The following PALM2AKAP2 variants were observed in gnomAD, a reference collection of about 807,000 sequenced individuals.
PALM2AKAP2 encodes PALM2 and AKAP2 fusion.
PALM2AKAP2 carries 37 observed loss-of-function variants against 71.5 expected under a neutral mutation model. That is an observed-to-expected ratio of 0.52 (90% confidence interval 0.40 to 0.68). The LOEUF (loss-of-function observed/expected upper bound fraction) is 0.68. PALM2AKAP2 is among the 30% of genes least tolerant of loss of function. The pLI, the probability that PALM2AKAP2 is intolerant of heterozygous loss-of-function variation, is 0.00. For synonymous variants in PALM2AKAP2, 468 were observed against 478.8 expected, an observed-to-expected ratio of 0.98 and a Z score of 0.29; for missense variants, 1,224 against 1,191.8, an observed-to-expected ratio of 1.03 and a Z score of -0.40.
intron 2 of PALM2AKAP2, among the ~76,000 whole-genome samples, chr9:110,142,977 T>C (rs558722790): frequency 3.7e-4 from 57 of 152,262 alleles, no homozygotes; most frequent in Admixed American, 9.8e-4. Flanking sequence ...AATGCATCCA[T>C]TTCATAGGCT....
intron 1 of PALM2AKAP2, among the ~76,000 whole-genome samples, chr9:109,856,234 A>C (rs55856733): frequency 0.043 from 6,607 of 152,332 alleles, 473 homozygotes; most frequent in African/African-American, 0.15. Flanking sequence ...TAAGATGAAC[A>C]TAGAGGAAGA....
At chr9:109,892,097 T>C (rs1830103427) in intron 3 of PALM2AKAP2, among the ~76,000 whole-genome samples, 1 of 152,220 alleles carries the variant, frequency 6.6e-6, no homozygotes, top group Non-Finnish European at 1.5e-5. Flanking sequence ...GAGACTGATG[T>C]AACAAATTTC....
At chr9:110,029,861 G>T (rs1411342993) in intron 7 of PALM2AKAP2, among the ~76,000 whole-genome samples, 1 of 152,150 alleles carries the variant, frequency 6.6e-6, no homozygotes, top group Non-Finnish European at 1.5e-5. Flanking sequence ...TGAGGGTTTG[G>T]AATGATTGCA....
chr9:109,745,895 C>T (rs16914475), intron 1 of PALM2AKAP2, among the ~76,000 whole-genome samples: 111 of 152,284 alleles, frequency 7.3e-4, no homozygotes, highest in African/African-American at 2.4e-3. Context: ...CCATCCAAAA[C>T]GTTGCAAAGA....
chr9:109,746,738 A>G (rs1291862783), intron 1 of PALM2AKAP2, among the ~76,000 whole-genome samples: 1 of 152,088 alleles, frequency 6.6e-6, no homozygotes, highest in Admixed American at 6.5e-5. Context: ...CCACAACCCT[A>G]TGAGATAGTC....
intron 3 of PALM2AKAP2, among the ~76,000 whole-genome samples, chr9:109,890,437 A>G (rs1043482053): frequency 1.3e-5 from 2 of 152,202 alleles, no homozygotes; most frequent in Admixed American, 6.5e-5. Flanking sequence ...AACGGGTGAT[A>G]AAATATACAA....
intron 1 of PALM2AKAP2, among the ~76,000 whole-genome samples, chr9:110,064,489 C>A (rs1834031061): frequency 6.6e-6 from 1 of 152,174 alleles, no homozygotes; most frequent in African/African-American, 2.4e-5. Flanking sequence ...CGCCTGTAAT[C>A]CCAGAACATT....
At chr9:109,878,779 G>A (rs531243468) in intron 2 of PALM2AKAP2, among the ~76,000 whole-genome samples, 27 of 152,104 alleles carry the variant, frequency 1.8e-4, no homozygotes, top group African/African-American at 2.9e-4. Context: ...CTCTTGTTGC[G>A]CAGGCTGGAG....
intron 1 of PALM2AKAP2, among the ~76,000 whole-genome samples, chr9:109,822,382 C>G (rs1828034216): frequency 6.6e-6 from 1 of 151,942 alleles, no homozygotes; most frequent in Non-Finnish European, 1.5e-5. Context: ...TTTCTTCCAA[C>G]TTTCATTTCA....
chr9:110,018,544 T>C (rs1399290048), intron 7 of PALM2AKAP2, among the ~76,000 whole-genome samples: 1 of 151,976 alleles, frequency 6.6e-6, no homozygotes, highest in Non-Finnish European at 1.5e-5. Flanking sequence ...TTGGCCAGTC[T>C]GGTCTGAAAC....
chr9:110,018,083 C>T (rs1206493791), intron 7 of PALM2AKAP2, among the ~76,000 whole-genome samples: 1 of 152,098 alleles, frequency 6.6e-6, no homozygotes, highest in Non-Finnish European at 1.5e-5. Flanking sequence ...GATAAGATTG[C>T]TACTTAACCA....
chr9:110,101,151 A>G (rs571300520), intron 1 of PALM2AKAP2, among the ~76,000 whole-genome samples: 1 of 152,296 alleles, frequency 6.6e-6, no homozygotes, highest in East Asian at 1.9e-4. Flanking sequence ...CCGTTGCACA[A>G]GTGTGTGTCT....
chr9:109,707,847 A>G (rs1228161685), intron 1 of PALM2AKAP2, among the ~76,000 whole-genome samples: 1 of 152,172 alleles, frequency 6.6e-6, no homozygotes, highest in Non-Finnish European at 1.5e-5. Context: ...ACTTTGTGCC[A>G]TCCAATAAAT....
rs62578129 is a variant in PALM2AKAP2 at position 109,791,343 on chromosome 9, C to T, written c.45+10810C>T. 8.2e-3 allele frequency among the ~76,000 whole-genome samples: 1,250 copies of T among 152,304 alleles called. 8 individuals carry two copies. The highest frequency in any genetic ancestry group is 0.014 in the Non-Finnish European group (980 of 68,020). On this transcript the variant is annotated intron_variant, in intron 1 of 9. Transcript: ENST00000302798. ...ATCACCTGCCTTTCTCTCTTTCCAC[C>T]GTCATCTCTTTCTACTTGACATGTT...
At position 109,872,918 on chromosome 9, in the gene PALM2AKAP2, C is replaced by A. The variant is rs116419775; in HGVS notation, c.126+5347C>A. Among the ~76,000 whole-genome samples, 163 of 152,262 alleles carry A rather than the reference C, an allele frequency of 1.1e-3. 2 individuals carry two copies. The highest frequency in any genetic ancestry group is 3.8e-3 in the African/African-American group (159 of 41,540). On this transcript the variant is annotated intron_variant, in intron 2 of 9. Transcript: ENST00000302798. ...TAGATCTCCTCCCTTGTTTCCATAC[C>A]CAGAGCTTGAATGGAAGTTAAAACC...
At chr9:109,754,831 A>G (rs1390366259) in intron 1 of PALM2AKAP2, among the ~76,000 whole-genome samples, 1 of 152,090 alleles carries the variant, frequency 6.6e-6, no homozygotes, top group Non-Finnish European at 1.5e-5. Context: ...AACTCCAAAT[A>G]CCATTACATT....
chr9:109,696,710 T>C (rs968512589), intron 1 of PALM2AKAP2, among the ~76,000 whole-genome samples: 3 of 152,140 alleles, frequency 2.0e-5, no homozygotes, highest in Admixed American at 6.5e-5. Context: ...TCCCCTTCCC[T>C]GGGCCAGTGC....
intron 1 of PALM2AKAP2, among the ~76,000 whole-genome samples, chr9:110,071,818 C>T (rs543178320): frequency 2.0e-5 from 3 of 152,122 alleles, no homozygotes; most frequent in African/African-American, 7.2e-5. Context: ...TTGGGAGATA[C>T]TTGTGTTCTG....
chr9:109,687,606 A>G (rs1054469985), intron 1 of PALM2AKAP2, among the ~76,000 whole-genome samples: 1 of 152,220 alleles, frequency 6.6e-6, no homozygotes, highest in African/African-American at 2.4e-5. Flanking sequence ...GGCTTTGGCT[A>G]AAGGGAATGT....
Sources: gnomAD v4.1 joint callset for allele counts (sites outside exome capture counted in the v4.1 genomes callset) on GRCh38, gnomAD v4.1.1 for gene constraint, MANE v1.5 for transcripts, NCBI Gene and HGNC (gene_info 2026-07-23, HGNC 2026-07-21) for gene names.